The following LRRC53 variants were observed in gnomAD, a reference collection of about 807,000 sequenced individuals.
LRRC53 encodes leucine rich repeat containing 53.
In LRRC53, 25 loss-of-function variants were observed where a neutral mutation model predicts 13.6. The ratio of observed to expected loss-of-function variants is 1.83; its 90% CI spans 1.34 to 2.56. LRRC53 has a LOEUF of 2.56. LRRC53 is among the 30% of genes most tolerant of loss of function. The probability of loss-of-function intolerance (pLI) is 0.00; values close to 1 mark genes in which losing one functional copy is unlikely to be tolerated. For synonymous variants in LRRC53, 204 were observed against 109.8 expected, an observed-to-expected ratio of 1.86 and a Z score of -5.37; for missense variants, 527 against 275.8, an observed-to-expected ratio of 1.91 and a Z score of -6.45.
intron 3 of LRRC53, among the ~76,000 whole-genome samples, chr1:74,478,506 T>C (rs1668318931): frequency 6.6e-6 from 1 of 152,176 alleles, no homozygotes; most frequent in Non-Finnish European, 1.5e-5. Context: ...AAAATTGCTC[T>C]ATTATAATAT....
chr1:74,530,134 G>T, the LRRC53 span, among the ~76,000 whole-genome samples: 1 of 152,074 alleles, frequency 6.6e-6, no homozygotes, highest in Non-Finnish European at 1.5e-5. Flanking sequence ...CAGCCGTTAG[G>T]TGTCTACGTT....
chr1:74,504,151 T>G (rs1463010550), intron 1 of LRRC53, among the ~76,000 whole-genome samples: 1 of 152,244 alleles, frequency 6.6e-6, no homozygotes, highest in Non-Finnish European at 1.5e-5. Flanking sequence ...GGCTATAAAT[T>G]GATTGCTAGT....
the LRRC53 span, among the ~76,000 whole-genome samples, chr1:74,532,458 TTTTC>T: frequency 3.1e-4 from 34 of 108,120 alleles, no homozygotes; most frequent in Non-Finnish European, 3.4e-4. Context: ...ATTATTATTT[TTTTC>T]TTTTTTTTCT....
At chr1:74,480,991 T>G (rs186871903) in intron 2 of LRRC53, 23 bp from the exon 3 acceptor site, 132 of 692,320 alleles carry the variant, frequency 1.9e-4, no homozygotes, top group African/African-American at 1.8e-3. Context: ...AAGCACAGAC[T>G]AGATGCAGGG....
the LRRC53 span, among the ~76,000 whole-genome samples, chr1:74,536,366 G>A: frequency 6.6e-6 from 1 of 152,154 alleles, no homozygotes; most frequent in South Asian, 2.1e-4. Flanking sequence ...GGATTTGAGT[G>A]TGAACTGGTC....
the LRRC53 span, among the ~76,000 whole-genome samples, chr1:74,523,057 G>A: frequency 6.6e-6 from 1 of 152,214 alleles, no homozygotes; most frequent in Non-Finnish European, 1.5e-5. Flanking sequence ...GAGCAGAAAA[G>A]CAGTGAGCTT....
At chr1:74,529,655 A>G in the LRRC53 span, among the ~76,000 whole-genome samples, 51 of 152,352 alleles carry the variant, frequency 3.3e-4, no homozygotes, top group South Asian at 8.3e-4. Context: ...ACACTAAAGT[A>G]TTTGGGAGAT....
In LRRC53 at chr1:74,480,576, A is replaced by AC. The variant is rs749247085; in HGVS notation, c.480dup (p.Tyr161ValfsTer32). The AC allele has an allele frequency of 1.4e-6, 1 of 717,302 alleles. No individual in the cohort carries two copies. The highest frequency in any genetic ancestry group is 2.6e-6 in the Non-Finnish European group (1 of 385,096). The allele number at this position is 717,302 out of a possible 1,614,324, so 44.4% of individuals were successfully genotyped here. A position where few individuals can be genotyped will look rare whatever the true frequency, so the allele number is the denominator to read the frequency against. ...ATAAAATTGTTGGATAAATCCAGAT[A>AC]CCTGAGACTGTGGAGATTCGTGCCT... On this transcript the variant is annotated frameshift_variant, in exon 3 of 5. Coordinates refer to ENST00000294635, the MANE Select transcript of LRRC53 (RefSeq NM_001382280.1). LOFTEE classifies it high-confidence loss of function.
chr1:74,526,467 T>G, the LRRC53 span, among the ~76,000 whole-genome samples: 1 of 152,258 alleles, frequency 6.6e-6, no homozygotes, highest in Non-Finnish European at 1.5e-5. Flanking sequence ...AGTTCTACGG[T>G]TCTTATAACC....
chr1:74,532,343 C>T, the LRRC53 span, among the ~76,000 whole-genome samples: 1 of 152,052 alleles, frequency 6.6e-6, no homozygotes, highest in Non-Finnish European at 1.5e-5. Context: ...AAGAATTTAG[C>T]GTTCATCTTT....
intron 1 of LRRC53, among the ~76,000 whole-genome samples, chr1:74,500,422 T>G (rs1248781492): frequency 6.6e-6 from 1 of 150,956 alleles, no homozygotes; most frequent in Non-Finnish European, 1.5e-5. Context: ...TAAAAAACGG[T>G]GAAACCCCGT....
the LRRC53 span, among the ~76,000 whole-genome samples, chr1:74,521,064 A>G: frequency 6.6e-6 from 1 of 152,098 alleles, no homozygotes; most frequent in South Asian, 2.1e-4. Flanking sequence ...TCTTACAGCT[A>G]TTTCTCCTTT....
chr1:74,525,250 C>T, the LRRC53 span, among the ~76,000 whole-genome samples: 1 of 152,162 alleles, frequency 6.6e-6, no homozygotes, highest in East Asian at 1.9e-4. Flanking sequence ...CTGAGCACCT[C>T]CTGTGTGTTA....
At chr1:74,484,641 G>A (rs532296604) in intron 1 of LRRC53, among the ~76,000 whole-genome samples, 1 of 152,262 alleles carries the variant, frequency 6.6e-6, no homozygotes, top group East Asian at 1.9e-4. Flanking sequence ...ATGGTGGAGA[G>A]GATCCAATGC....
the LRRC53 span, among the ~76,000 whole-genome samples, chr1:74,532,508 G>A: frequency 6.6e-6 from 1 of 150,842 alleles, no homozygotes; most frequent in Non-Finnish European, 1.5e-5. Flanking sequence ...AAGTTTTAGG[G>A]TACATGTGCA....
At chr1:74,489,365 T>A in intron 1 of LRRC53, 6 of 1,015,688 alleles carry the variant, frequency 5.9e-6, no homozygotes, top group Non-Finnish European at 7.2e-6. Flanking sequence ...CATAACTCCA[T>A]CCATATTTGC....
chr1:74,475,621 T>G lies in LRRC53; in HGVS notation c.1094A>C (p.Lys365Thr), dbSNP rs998455925. The stretch of plus-strand genomic sequence containing the variant: ...TCTGGACCCCACAGTGGACATGACC[T>G]TTATCTCGTTTTCCTGAGTTAAGTG... ...NCHLTQENEIKVMSTVGSRKE... is the reference protein window; with the variant it reads ...NCHLTQENEITVMSTVGSRKE... Residue 365 changes from lysine to threonine, a missense_variant, in exon 4 of 5, where the codon AAG (lysine) becomes ACG (threonine). Transcript: ENST00000294635. 8.4e-6 allele frequency: 6 copies of G among 717,212 alleles called. No individual in the cohort carries two copies. The highest frequency in any genetic ancestry group is 6.0e-5 in the Admixed American group (3 of 49,996). 44.4% of individuals were successfully genotyped at this position (717,212 alleles called of 1,614,324 possible).
chr1:74,505,559 T>TC (rs146285449), intron 1 of LRRC53, among the ~76,000 whole-genome samples: 6,013 of 152,308 alleles, frequency 0.039, 252 homozygotes, highest in African/African-American at 0.11. Context: ...GATTGTTTTT[T>TC]CTTTTTTTCA....
intron 3 of LRRC53, among the ~76,000 whole-genome samples, chr1:74,479,909 T>C (rs1668394928): frequency 6.6e-6 from 1 of 152,238 alleles, no homozygotes. Flanking sequence ...CCAATGCTAT[T>C]TATACCAGGG....
Sources: allele counts gnomAD v4.1 joint callset (sites outside exome capture counted in the v4.1 genomes callset), GRCh38; gene constraint gnomAD v4.1.1; transcripts MANE v1.5; gene names NCBI Gene and HGNC (gene_info 2026-07-23, HGNC 2026-07-21).